KDM1B: variants seen among roughly 807,000 people sequenced by gnomAD.
KDM1B encodes the protein lysine demethylase 1B, also known as lysine-specific histone demethylase 2.
A neutral mutation model predicts 107.4 loss-of-function variants in KDM1B; 63 were observed. The observed-to-expected ratio is 0.59, with a 90% CI of 0.48 to 0.72. The LOEUF (loss-of-function observed/expected upper bound fraction) is 0.72. Among genes scored for constraint, KDM1B ranks in the 30% least tolerant of loss-of-function variants. The probability of loss-of-function intolerance (pLI) is 0.00; values close to 1 mark genes in which losing one functional copy is unlikely to be tolerated. For missense variants in KDM1B, 749 were observed against 1,020.8 expected, an observed-to-expected ratio of 0.73 and a Z score of 3.63; for synonymous variants, 363 against 363.9, an observed-to-expected ratio of 1.00 and a Z score of 0.03.
At chr6:18,220,746 G>T (rs1789636510) in intron 21 of KDM1B, among the ~76,000 whole-genome samples, 1 of 151,546 alleles carries the variant, frequency 6.6e-6, no homozygotes, top group South Asian at 2.1e-4. Flanking sequence ...TTCCTTTGCT[G>T]CTTTGATGCG....
At position 18,207,537 on chromosome 6, in the gene KDM1B, TCAAC is replaced by T; in HGVS notation, c.1791+9_1791+12del. ...ATTCAACTCAAATCTCCAGTGAGTA[TCAAC>T]TGCTGGGAGGCTCTGGCTCGCCTTG... On this transcript the variant is annotated intron_variant, in intron 16 of 21. Coordinates refer to ENST00000650836, the MANE Select transcript of KDM1B (RefSeq NM_001364614.2). The T allele has an allele frequency of 6.2e-7, 1 of 1,614,080 alleles. No homozygotes were observed. Among genetic ancestry groups the T allele is most frequent in the Non-Finnish European group, 8.5e-7 (1 of 1,179,920 alleles).
intron 7 of KDM1B, among the ~76,000 whole-genome samples, chr6:18,175,920 C>A (rs1031902464): frequency 6.6e-6 from 1 of 152,032 alleles, no homozygotes; most frequent in African/African-American, 2.4e-5. Flanking sequence ...CAGATTTATT[C>A]TTTTGCTTTG....
rs748455488 is a variant in KDM1B at position 18,213,988 on chromosome 6, T to C, written c.2109+207T>C. Among the ~76,000 whole-genome samples, 12 of 152,198 alleles carry C rather than the reference T, an allele frequency of 7.9e-5. No homozygotes were observed. Among genetic ancestry groups the C allele is most frequent in the Non-Finnish European group, 1.5e-4 (10 of 68,024 alleles). On this transcript the variant is annotated intron_variant, in intron 19 of 21. Transcript: ENST00000650836. The surrounding 1 kb of genome is among the most constrained non-coding windows in gnomAD (Gnocchi z 5.9). ...GCCATGTCTTCTTAAAGTCCTCATG[T>C]TGCTCCCTGGGACATGAATTGGATG...
rs112266333 is a variant in KDM1B at position 18,170,965 on chromosome 6, C to T, written c.418-398C>T. On this transcript the variant is annotated intron_variant, in intron 6 of 21. Transcript: ENST00000650836. ...CCTCCTGAGTAGCTGGGACTACAGG[C>T]GCCCGCCACCACGCCTGGCTAACTT... Among the ~76,000 whole-genome samples the T allele has an allele frequency of 2.8e-3, 433 of 152,050 alleles. 1 individual carries two copies. Among genetic ancestry groups the T allele is most frequent in the African/African-American group, 9.3e-3 (385 of 41,464 alleles).
rs569047411 is a variant in KDM1B, at chr6:18,204,449, G to C, written c.1532-1088G>C. ...GAATGGCACCACAGCACTCCAGCCT[G>C]GGTGACATGGTGAGACCCTATCTCA... On this transcript the variant is annotated intron_variant, in intron 14 of 21. Transcript: ENST00000650836. This position sits in a 1 kb window ranked among gnomAD's most constrained non-coding sequence, Gnocchi z 4.9. 1.3e-5 allele frequency among the ~76,000 whole-genome samples: 2 copies of C among 152,270 alleles called. No homozygotes were observed. The highest frequency in any genetic ancestry group is 4.8e-5 in the African/African-American group (2 of 41,562).
chr6:18,187,447 T>G (rs1786944543), intron 8 of KDM1B, among the ~76,000 whole-genome samples: 1 of 152,104 alleles, frequency 6.6e-6, no homozygotes, highest in Non-Finnish European at 1.5e-5. Flanking sequence ...AGAGATGCAT[T>G]TTTCACATCA....
Position 18,161,341 on chromosome 6 carries a change from AAC to A in KDM1B, c.104_105del (p.Thr35ArgfsTer5). On this transcript the variant is annotated frameshift_variant, in exon 4 of 22. Coordinates refer to ENST00000650836, the MANE Select transcript of KDM1B (RefSeq NM_001364614.2). LOFTEE classifies it high-confidence loss of function. ...GACTCCCTTAGGCGAAGAAGAAAGC[AAC>A]AGAGACAACAGATGAGGATGAAGAT... ...SSGRQAKKKA[T>X]ETTDEDEDGG... 6.2e-7 allele frequency: 1 copy of A among 1,614,014 alleles called. No homozygotes were observed. Among genetic ancestry groups the A allele is most frequent in the Non-Finnish European group, 8.5e-7 (1 of 1,179,920 alleles).
chr6:18,219,179 GGT>G (rs1237972096), intron 21 of KDM1B, among the ~76,000 whole-genome samples: 1 of 152,186 alleles, frequency 6.6e-6, no homozygotes, highest in African/African-American at 2.4e-5. Context: ...TGGGATTACA[GGT>G]GTGAGCCACC....
chr6:18,155,462 A>G lies in KDM1B; in HGVS notation c.-167A>G, dbSNP rs1784521290. The G allele has an allele frequency of 6.3e-6, 1 of 159,368 alleles. No homozygotes were observed. Among genetic ancestry groups the G allele is most frequent in the South Asian group, 1.7e-4 (1 of 5,754 alleles). 9.9% of individuals were successfully genotyped at this position (159,368 alleles called of 1,614,324 possible). A position where few individuals can be genotyped will look rare whatever the true frequency, so the allele number is the denominator to read the frequency against. ...GCGGCGGCGGCGGCGGCGGCCGAGAAGAGGCTGGGGCTCGCGGCGCGGCTG... is the reference window on the plus strand; with the variant it reads ...GCGGCGGCGGCGGCGGCGGCCGAGAGGAGGCTGGGGCTCGCGGCGCGGCTG... On this transcript the variant is annotated 5_prime_UTR_variant, in exon 1 of 22. Transcript: ENST00000650836. The surrounding 1 kb of genome is among the most constrained non-coding windows in gnomAD (Gnocchi z 6.2).
At chr6:18,177,644 A>G (rs1786113203) in intron 7 of KDM1B, among the ~76,000 whole-genome samples, 1 of 151,852 alleles carries the variant, frequency 6.6e-6, no homozygotes, top group South Asian at 2.1e-4. Flanking sequence ...CTTGGCCTCA[A>G]GTGATCCTCC....
chr6:18,173,565 C>T (rs762374595), intron 7 of KDM1B, among the ~76,000 whole-genome samples: 1 of 152,168 alleles, frequency 6.6e-6, no homozygotes, highest in South Asian at 2.1e-4. Context: ...TCTGAGAAAT[C>T]ATTGGTTACC....
At chr6:18,170,362 G>C (rs963238278) in intron 6 of KDM1B, among the ~76,000 whole-genome samples, 1 of 152,096 alleles carries the variant, frequency 6.6e-6, no homozygotes. Context: ...ACTTTATTTG[G>C]ATTTCATCAG....
At position 18,187,803 on chromosome 6, in the gene KDM1B, A is replaced by G; in HGVS notation, c.585A>G (p.Glu195=). The G allele has an allele frequency of 6.5e-7, 1 of 1,549,516 alleles. No individual in the cohort carries two copies. Among genetic ancestry groups the G allele is most frequent in the South Asian group, 1.2e-5 (1 of 84,024 alleles). Residue 195 remains glutamate (E), a synonymous_variant, in exon 9 of 22, where the codon GAA becomes GAG. Transcript: ENST00000650836. ...CSLPEDLRVL[E]VSNHWWYSML... is the part of the protein sequence containing the mutation. The stretch of plus-strand genomic sequence containing the variant: ...CTGGCCCATTGCAGAGAGTATTGGA[A>G]GTTTCCAACCATTGGTGGTACTCTA...
At chr6:18,163,037 T>C in intron 5 of KDM1B, 113 bp downstream of exon 5, 1 of 667,162 alleles carries the variant, frequency 1.5e-6, no homozygotes, top group East Asian at 2.7e-5. Flanking sequence ...TATTCAGCTC[T>C]TTCAGCCATG....
intron 21 of KDM1B, among the ~76,000 whole-genome samples, chr6:18,218,528 T>C (rs893969147): frequency 6.6e-6 from 1 of 152,186 alleles, no homozygotes; most frequent in African/African-American, 2.4e-5. Context: ...CTCAACATGG[T>C]TATTTCACAC....
At chr6:18,160,008 A>G (rs1410719725) in intron 3 of KDM1B, 26 bp downstream of exon 3, 1 of 1,493,292 alleles carries the variant, frequency 6.7e-7, no homozygotes, top group Non-Finnish European at 9.2e-7. Flanking sequence ...TCATTCAACA[A>G]GCCTTTTTTG....
Position 18,222,286 on chromosome 6 carries a change from T to C in KDM1B, c.*294T>C. On this transcript the variant is annotated 3_prime_UTR_variant, in exon 22 of 22. Transcript: ENST00000650836. The stretch of plus-strand genomic sequence containing the variant: ...CAGTTGAGGCCATGGATTTGATTGT[T>C]CCATGGCTGGAAGTTCCCTTTAGAT... The C allele has an allele frequency of 2.1e-6, 1 of 478,774 alleles. No individual in the cohort carries two copies. The highest frequency in any genetic ancestry group is 3.9e-6 in the Non-Finnish European group (1 of 254,074). 29.7% of individuals were successfully genotyped at this position (478,774 alleles called of 1,614,324 possible).
At position 18,185,001 on chromosome 6, in the gene KDM1B, AT is replaced by A. The variant is rs540237237; in HGVS notation, c.535-769del. On this transcript the variant is annotated intron_variant, in intron 7 of 21. Transcript: ENST00000650836. ...TGCCTTGACCTCCCAAAATGCTGGG[AT>A]TATAGGCATGAGCCACTGAGCCTGG... Among the ~76,000 whole-genome samples, 80 of 151,968 alleles carry A rather than the reference AT, an allele frequency of 5.3e-4. 3 individuals carry two copies. The South Asian group carries it at 0.016, about 30-fold the overall frequency.
chr6:18,160,716 C>T lies in KDM1B; in HGVS notation c.88-611C>T, dbSNP rs553349190. On this transcript the variant is annotated intron_variant, in intron 3 of 21. Coordinates refer to ENST00000650836, the MANE Select transcript of KDM1B (RefSeq NM_001364614.2). ...TGGCGCCACTGCATTGCAGCCTGGG[C>T]GACAGAGTGAGACTCTGTCTCAAAA... is the stretch of plus-strand genomic sequence containing the variant. Among the ~76,000 whole-genome samples, 774 of 145,822 alleles carry T rather than the reference C, an allele frequency of 5.3e-3. 3 individuals carry two copies. The highest frequency in any genetic ancestry group is 7.6e-3 in the Admixed American group (110 of 14,488).
Sources: allele counts gnomAD v4.1 joint callset (sites outside exome capture counted in the v4.1 genomes callset), GRCh38; gene constraint gnomAD v4.1.1; non-coding constraint Gnocchi (gnomAD v3.1); transcripts MANE v1.5; gene names NCBI Gene and HGNC (gene_info 2026-07-23, HGNC 2026-07-21).